TMTC1: variants seen among roughly 807,000 people sequenced by gnomAD.
TMTC1 encodes the protein transmembrane O-mannosyltransferase targeting cadherins 1.
In TMTC1, 73 loss-of-function variants were observed where a neutral mutation model predicts 104.8. The ratio of observed to expected loss-of-function variants is 0.70; its 90% confidence interval spans 0.58 to 0.85. TMTC1 has a LOEUF of 0.85. TMTC1 is among the 40% of genes least tolerant of loss of function. The pLI, the probability that TMTC1 is intolerant of heterozygous loss-of-function variation, is 0.00. For synonymous variants in TMTC1, 434 were observed against 428.7 expected (o/e 1.01, Z -0.15); for missense variants, 1,035 against 1,096.1 (o/e 0.94, Z 0.79).
At chr12:29,699,606 G>A (rs892931168) in intron 5 of TMTC1, among the ~76,000 whole-genome samples, 1 of 146,636 alleles carries the variant, frequency 6.8e-6, no homozygotes, top group Admixed American at 6.8e-5. Flanking sequence ...TTAGAAATCA[G>A]TACTTTATTT....
In TMTC1 at chr12:29,506,774, G is replaced by T; in HGVS notation, c.*72C>A. On this transcript the variant is annotated 3_prime_UTR_variant, in exon 18 of 18. Coordinates refer to ENST00000539277, the MANE Select transcript of TMTC1 (RefSeq NM_001193451.2). ...TCATTAGTTGTGCCCCTGCTGATGTGAAAGCAAGGCTTCCATCACTCCCCT... is the reference window on the plus strand; with the variant it reads ...TCATTAGTTGTGCCCCTGCTGATGTTAAAGCAAGGCTTCCATCACTCCCCT... 6.3e-7 allele frequency: 1 copy of T among 1,581,618 alleles called. No individual in the cohort carries two copies.
intron 7 of TMTC1, among the ~76,000 whole-genome samples, chr12:29,591,787 C>A (rs1162433788): frequency 1.3e-5 from 2 of 152,142 alleles, no homozygotes; most frequent in Non-Finnish European, 2.9e-5. Context: ...CAATGTTTGT[C>A]CTTTTGCATT....
chr12:29,563,525 TG>T (rs766714810), intron 9 of TMTC1, among the ~76,000 whole-genome samples: 1 of 152,112 alleles, frequency 6.6e-6, no homozygotes, highest in Non-Finnish European at 1.5e-5. Context: ...CTGCAGGAAC[TG>T]GGTATTACTC....
intron 10 of TMTC1, among the ~76,000 whole-genome samples, chr12:29,538,766 A>T (rs116311353): frequency 0.012 from 1,813 of 146,668 alleles, 32 homozygotes; most frequent in African/African-American, 0.041. Context: ...GATAAAAAAC[A>T]TCATCTCCAA....
intron 9 of TMTC1, among the ~76,000 whole-genome samples, chr12:29,569,977 G>T (rs565660830): frequency 2.6e-4 from 39 of 152,286 alleles, no homozygotes; most frequent in African/African-American, 8.7e-4. Context: ...AACTGCCAGA[G>T]AATTTTGTTT....
At chr12:29,734,438 C>A (rs748476843) in intron 5 of TMTC1, among the ~76,000 whole-genome samples, 1 of 152,216 alleles carries the variant, frequency 6.6e-6, no homozygotes, top group Non-Finnish European at 1.5e-5. Flanking sequence ...CTTCTCCCTG[C>A]ATGTCCCACC....
At chr12:29,525,492 AGTCT>A (rs1944316691) in intron 11 of TMTC1, among the ~76,000 whole-genome samples, 1 of 151,958 alleles carries the variant, frequency 6.6e-6, no homozygotes, top group Non-Finnish European at 1.5e-5. Context: ...AGCAAAGGGC[AGTCT>A]TTTTCTGATA....
intron 8 of TMTC1, among the ~76,000 whole-genome samples, chr12:29,582,465 C>A (rs1946008604): frequency 1.3e-5 from 2 of 152,150 alleles, no homozygotes; most frequent in African/African-American, 4.8e-5. Flanking sequence ...TTAAGTTCAG[C>A]CAAAAAGCTT....
intron 5 of TMTC1, among the ~76,000 whole-genome samples, chr12:29,701,128 T>C (rs1258568256): frequency 2.0e-5 from 3 of 152,002 alleles, no homozygotes; most frequent in South Asian, 2.1e-4. Context: ...AATGAGATTA[T>C]TGTGGAAATG....
chr12:29,741,855 C>T (rs1942835267), intron 5 of TMTC1, among the ~76,000 whole-genome samples: 1 of 152,180 alleles, frequency 6.6e-6, no homozygotes, highest in South Asian at 2.1e-4. Flanking sequence ...GAATGGTTTA[C>T]CTTTATAACC....
At chr12:29,522,811 A>G (rs1944217090) in intron 11 of TMTC1, among the ~76,000 whole-genome samples, 1 of 152,192 alleles carries the variant, frequency 6.6e-6, no homozygotes, top group Non-Finnish European at 1.5e-5. Flanking sequence ...CTTACCCACC[A>G]TGTGCCCCAA....
At chr12:29,511,961 C>T (rs1943849379) in intron 17 of TMTC1, 82 bp downstream of exon 17, 1 of 1,297,390 alleles carries the variant, frequency 7.7e-7, no homozygotes, top group East Asian at 2.3e-5. Context: ...AACAATAGTT[C>T]CTCAATCCTT....
chr12:29,518,711 A>G (rs1455218582), intron 12 of TMTC1, 104 bp from the exon 13 acceptor site: 2 of 1,392,524 alleles, frequency 1.4e-6, no homozygotes, highest in Non-Finnish European at 1.9e-6. Flanking sequence ...ATTATTACAG[A>G]GTTATACCAA....
At chr12:29,524,711 C>T (rs1008013197) in intron 11 of TMTC1, among the ~76,000 whole-genome samples, 1 of 152,138 alleles carries the variant, frequency 6.6e-6, no homozygotes, top group Admixed American at 6.5e-5. Flanking sequence ...AAGGAATGAA[C>T]CAATGTTCTG....
At chr12:29,765,246 G>A (rs1472621643) in intron 2 of TMTC1, among the ~76,000 whole-genome samples, 1 of 151,698 alleles carries the variant, frequency 6.6e-6, no homozygotes, top group Admixed American at 6.6e-5. Flanking sequence ...TTAAATACTT[G>A]AAAGGATCTA....
chr12:29,530,160 C>T (rs1322410314), intron 11 of TMTC1, among the ~76,000 whole-genome samples: 5 of 152,142 alleles, frequency 3.3e-5, no homozygotes, highest in African/African-American at 9.7e-5. Flanking sequence ...AGTCCCCAAT[C>T]TGACTCAACA....
chr12:29,668,454 C>CTTTTTTTT lies in TMTC1; in HGVS notation c.939-35126_939-35119dup, dbSNP rs66652706. Among the ~76,000 whole-genome samples the CTTTTTTTT allele has an allele frequency of 6.0e-3, 537 of 90,056 alleles. 24 individuals carry two copies. Among genetic ancestry groups the CTTTTTTTT allele is most frequent in the East Asian group, 0.016 (41 of 2,626 alleles). The allele number at this position is 90,056 out of a possible 152,430, so 59.1% of individuals were successfully genotyped here. Reference sequence around the variant, plus strand: ...CCACATTCAAACCATACCAACTTATCTTTTTTTTTTTTTTTTTTTTTTTTG... The same window carrying CTTTTTTTT: ...CCACATTCAAACCATACCAACTTATCTTTTTTTTTTTTTTTTTTTTTTTTTTTTTTTTG... On this transcript the variant is annotated intron_variant, in intron 5 of 17. Transcript: ENST00000539277.
At chr12:29,664,445 A>G (rs1940194437) in intron 5 of TMTC1, among the ~76,000 whole-genome samples, 1 of 152,124 alleles carries the variant, frequency 6.6e-6, no homozygotes, top group African/African-American at 2.4e-5. Flanking sequence ...GAGCACTCTA[A>G]GGGCTAAATT....
At chr12:29,522,985 G>A (rs898380867) in intron 11 of TMTC1, among the ~76,000 whole-genome samples, 4 of 152,162 alleles carry the variant, frequency 2.6e-5, no homozygotes, top group Non-Finnish European at 5.9e-5. Context: ...ATAGCTACAT[G>A]GGGACAGAGA....
Sources: allele counts gnomAD v4.1 joint callset (sites outside exome capture counted in the v4.1 genomes callset), GRCh38; gene constraint gnomAD v4.1.1; transcripts MANE v1.5; gene names NCBI Gene and HGNC (gene_info 2026-07-23, HGNC 2026-07-21).